EIF4ENIF1: variants seen among roughly 807,000 people sequenced by gnomAD.
EIF4ENIF1 encodes the protein eukaryotic translation initiation factor 4E transporter.
EIF4ENIF1 carries 23 observed loss-of-function variants against 110.5 expected under a neutral mutation model. That is an observed-to-expected ratio of 0.21 (90% CI 0.15 to 0.29). The LOEUF is 0.29. EIF4ENIF1 is among the 10% of genes least tolerant of loss of function. The pLI, the probability that EIF4ENIF1 is intolerant of heterozygous loss-of-function variation, is 1.00. For missense variants in EIF4ENIF1, 1,031 were observed against 1,221.1 expected (o/e 0.84, Z 2.32); for synonymous variants, 440 against 437.0 (o/e 1.01, Z -0.09).
intron 14 of EIF4ENIF1, among the ~76,000 whole-genome samples, chr22:31,446,714 C>T (rs907208049): frequency 3.9e-5 from 6 of 152,174 alleles, no homozygotes; most frequent in Non-Finnish European, 8.8e-5. Context: ...GCACAGGGCA[C>T]ATGGAGGCCC....
intron 2 of EIF4ENIF1, among the ~76,000 whole-genome samples, chr22:31,479,686 T>A (rs2051736361): frequency 1.2e-5 from 1 of 82,600 alleles, no homozygotes; most frequent in Admixed American, 1.4e-4. Flanking sequence ...TTTGGAAAGG[T>A]GTTTTTTTTT....
chr22:31,458,402 A>C (rs2050892436), intron 7 of EIF4ENIF1, 73 bp downstream of exon 7: 2 of 1,312,056 alleles, frequency 1.5e-6, no homozygotes, highest in Non-Finnish European at 2.0e-6. Context: ...GCAAAACAAC[A>C]CTTTCAAACC....
At chr22:31,475,325 C>T (rs963370992) in intron 2 of EIF4ENIF1, among the ~76,000 whole-genome samples, 7 of 152,174 alleles carry the variant, frequency 4.6e-5, no homozygotes, top group Non-Finnish European at 1.0e-4. Context: ...TAGGAGTCAG[C>T]CAGGTCCAGT....
chr22:31,468,386 G>T, intron 3 of EIF4ENIF1, 84 bp from the exon 4 acceptor site: 1 of 1,570,632 alleles, frequency 6.4e-7, no homozygotes, highest in Non-Finnish European at 8.7e-7. Context: ...TCAGCTAATA[G>T]TTATGGAAAC....
intron 12 of EIF4ENIF1, 140 bp from the exon 13 acceptor site, chr22:31,448,372 C>CCT (rs2050542457): frequency 1.2e-6 from 1 of 831,474 alleles, no homozygotes; most frequent in African/African-American, 1.7e-5. Flanking sequence ...TGTCCCTCTC[C>CCT]CTCTGTGCCC....
In EIF4ENIF1 at chr22:31,455,309, T is replaced by C. The variant is rs751525314; in HGVS notation, c.1106A>G (p.Glu369Gly). ...HEELERLAGL[E>G]QAILSPGQNS... ...CTGTCCAGGAGAGAGGATGGCTTGCTCCAGACCTGATATTGCAAATAAACA... is the reference window on the plus strand; with the variant it reads ...CTGTCCAGGAGAGAGGATGGCTTGCCCCAGACCTGATATTGCAAATAAACA... The change falls in exon 9 of 19, where the codon GAG (glutamate) becomes GGG (glycine). Residue 369 changes from glutamate to glycine, a missense_variant. Around this residue, in one of 3 missense-constraint regions of EIF4ENIF1, gnomAD observed 704 missense variants for 879.7 expected, o/e 0.80. Transcript: ENST00000330125. The C allele has an allele frequency of 1.3e-6, 2 of 1,569,510 alleles. No homozygotes were observed. Among genetic ancestry groups the C allele is most frequent in the Admixed American group, 3.7e-5 (2 of 53,810 alleles).
intron 2 of EIF4ENIF1, among the ~76,000 whole-genome samples, chr22:31,485,843 C>T (rs5998004): frequency 0.44 from 63,933 of 146,946 alleles, 13,964 homozygotes; most frequent in Middle Eastern, 0.58. Context: ...GGGCCAGGCT[C>T]GGTGGCTCAC....
At chr22:31,480,174 C>G (rs909733626) in intron 2 of EIF4ENIF1, among the ~76,000 whole-genome samples, 11 of 152,146 alleles carry the variant, frequency 7.2e-5, no homozygotes, top group Non-Finnish European at 1.0e-4. Flanking sequence ...GCCACACACC[C>G]AAGGAAGCAT....
chr22:31,445,656 C>A (rs1036480328), intron 14 of EIF4ENIF1, among the ~76,000 whole-genome samples: 3 of 152,136 alleles, frequency 2.0e-5, no homozygotes, highest in African/African-American at 4.8e-5. Flanking sequence ...GAAAAATAAT[C>A]TCTGGCCTCA....
intron 3 of EIF4ENIF1, among the ~76,000 whole-genome samples, chr22:31,471,360 G>A (rs1008930445): frequency 5.9e-5 from 9 of 151,386 alleles, no homozygotes; most frequent in African/African-American, 2.2e-4. Flanking sequence ...TGTCGCCCAG[G>A]CTGGAGTGCA....
intron 2 of EIF4ENIF1, among the ~76,000 whole-genome samples, chr22:31,481,627 G>A (rs902382522): frequency 2.6e-5 from 4 of 152,150 alleles, no homozygotes; most frequent in African/African-American, 9.7e-5. Flanking sequence ...ATTTAAATCA[G>A]TTACTCTTTT....
intron 2 of EIF4ENIF1, 151 bp from the exon 3 acceptor site, chr22:31,472,068 A>C: frequency 1.7e-6 from 1 of 604,836 alleles, no homozygotes; most frequent in East Asian, 3.1e-5. Flanking sequence ...ACTGGAGTAC[A>C]TTGAGGTTCT....
At chr22:31,454,424 G>T in intron 9 of EIF4ENIF1, 48 bp from the exon 10 acceptor site, 2 of 1,491,486 alleles carry the variant, frequency 1.3e-6, no homozygotes, top group Non-Finnish European at 1.9e-6. Context: ...GAGATATCTG[G>T]TAGGAATTCT....
chr22:31,438,209 T>C (rs560011217), downstream of EIF4ENIF1, among the ~76,000 whole-genome samples: 5 of 152,282 alleles, frequency 3.3e-5, no homozygotes, highest in South Asian at 1.0e-3. Context: ...TCTAGAACTC[T>C]GGTAAATTAA....
At chr22:31,469,237 T>C (rs1323300726) in intron 3 of EIF4ENIF1, among the ~76,000 whole-genome samples, 1 of 152,232 alleles carries the variant, frequency 6.6e-6, no homozygotes, top group African/African-American at 2.4e-5. Flanking sequence ...GACAAGTTAC[T>C]GAGCTGCATC....
intron 17 of EIF4ENIF1, 62 bp downstream of exon 17, chr22:31,441,712 G>T: frequency 7.3e-7 from 1 of 1,376,682 alleles, no homozygotes; most frequent in Non-Finnish European, 9.9e-7. Context: ...CACTTCATCA[G>T]TGCCAACAAT....
intron 17 of EIF4ENIF1, 67 bp downstream of exon 17, chr22:31,441,707 C>A: frequency 7.6e-7 from 1 of 1,315,052 alleles, no homozygotes; most frequent in East Asian, 2.4e-5. Context: ...TATAGCACTT[C>A]ATCAGTGCCA....
chr22:31,464,699 A>AAAAAAAAAATATAT (rs1304121964), intron 4 of EIF4ENIF1, among the ~76,000 whole-genome samples: 1 of 39,134 alleles, frequency 2.6e-5, no homozygotes, highest in Non-Finnish European at 5.1e-5. Context: ...AAAAAAAAAA[A>AAAAAAAAAATATAT]ATATATATAT....
At chr22:31,453,344 C>T in intron 10 of EIF4ENIF1, 1 of 378,878 alleles carries the variant, frequency 2.6e-6, no homozygotes, top group South Asian at 2.0e-5. Flanking sequence ...AGTAAATTGA[C>T]AGAATGTAAT....
Sources: allele counts gnomAD v4.1 joint callset (sites outside exome capture counted in the v4.1 genomes callset), GRCh38; gene constraint gnomAD v4.1.1; regional missense constraint gnomAD v4.1.1; transcripts MANE v1.5; gene names NCBI Gene and HGNC (gene_info 2026-07-23, HGNC 2026-07-21).